The following NFIL3 variants were observed in gnomAD, a reference collection of about 807,000 sequenced individuals.
NFIL3 encodes the protein nuclear factor, interleukin 3 regulated.
Under a neutral mutation model 10.0 loss-of-function variants are expected in NFIL3, and 5 were observed. The observed-to-expected ratio is 0.50, with a 90% CI of 0.26 to 1.06. The LOEUF is 1.06. NFIL3 is among the 50% of genes least tolerant of loss of function. The pLI is 0.13. For missense variants in NFIL3, 436 were observed against 547.6 expected (o/e 0.80, Z 2.03); for synonymous variants, 202 against 206.5 (o/e 0.98, Z 0.19).
At chr9:91,463,138 C>G in the NFIL3 span, among the ~76,000 whole-genome samples, 10 of 151,786 alleles carry the variant, frequency 6.6e-5, no homozygotes, top group African/African-American at 2.4e-4. Flanking sequence ...AAAGAACCAG[C>G]TTTTGGTTTT....
chr9:91,429,317 G>A, the NFIL3 span, among the ~76,000 whole-genome samples: 4 of 152,168 alleles, frequency 2.6e-5, no homozygotes, highest in African/African-American at 4.8e-5. Context: ...TCTGAAACCC[G>A]AGGGAGCCAA....
chr9:91,427,835 A>G (rs1169095773), upstream of NFIL3, among the ~76,000 whole-genome samples: 1 of 151,666 alleles, frequency 6.6e-6, no homozygotes, highest in African/African-American at 2.4e-5. Flanking sequence ...TGTTAGAGTC[A>G]GTGTCTCTCT....
the NFIL3 span, among the ~76,000 whole-genome samples, chr9:91,447,796 CTGT>C: frequency 1.6e-4 from 25 of 152,216 alleles, 1 homozygote; most frequent in African/African-American, 5.8e-4. Context: ...CCTTTTTACT[CTGT>C]TGACAGTGTT....
At chr9:91,459,530 T>TA in the NFIL3 span, among the ~76,000 whole-genome samples, 25 of 151,770 alleles carry the variant, frequency 1.6e-4, no homozygotes, top group African/African-American at 6.1e-4. Context: ...CAAAATTAAA[T>TA]AAAAAATTAG....
Position 91,423,736 on chromosome 9 carries a change from CCGCGGCGGGAGGCGGGCGGCGGCGAGGG to C in NFIL3, c.-297_-270del, listed in dbSNP as rs1833819077. On this transcript the variant is annotated 5_prime_UTR_variant, in exon 1 of 2. Coordinates refer to ENST00000297689, the MANE Select transcript of NFIL3 (RefSeq NM_005384.3). ...CTCGGGCCGGGCCGGGCCTCCGGGG[CCGCGGCGGGAGGCGGGCGGCGGCGAGGG>C]CGCGGCGCGGGAGGCGGGCGGGCGC... 6.9e-6 allele frequency: 1 copy of C among 145,694 alleles called. No individual in the cohort carries two copies. Among genetic ancestry groups the C allele is most frequent in the Non-Finnish European group, 1.5e-5 (1 of 65,526 alleles). The allele number at this position is 145,694 out of a possible 1,614,324, so 9.0% of individuals were successfully genotyped here.
At chr9:91,464,413 G>A in the NFIL3 span, among the ~76,000 whole-genome samples, 1 of 151,926 alleles carries the variant, frequency 6.6e-6, no homozygotes, top group Non-Finnish European at 1.5e-5. Flanking sequence ...GGTAGTGCAG[G>A]TGCCTTATAA....
chr9:91,435,416 A>G, the NFIL3 span, among the ~76,000 whole-genome samples: 1 of 152,138 alleles, frequency 6.6e-6, no homozygotes, highest in Non-Finnish European at 1.5e-5. Flanking sequence ...CATCCAGAAT[A>G]CCAGTTGCAA....
chr9:91,414,046 G>A (rs575126505), intron 1 of NFIL3, among the ~76,000 whole-genome samples: 1 of 152,172 alleles, frequency 6.6e-6, no homozygotes, highest in African/African-American at 2.4e-5. Context: ...GGCCCAATTG[G>A]GAAGGAGCCT....
the NFIL3 span, among the ~76,000 whole-genome samples, chr9:91,473,778 C>T: frequency 6.6e-6 from 1 of 152,264 alleles, no homozygotes; most frequent in Non-Finnish European, 1.5e-5. Flanking sequence ...TAGAAATCAC[C>T]TGTCTTCTGC....
At chr9:91,477,588 A>T in the NFIL3 span, among the ~76,000 whole-genome samples, 1 of 152,228 alleles carries the variant, frequency 6.6e-6, no homozygotes, top group Non-Finnish European at 1.5e-5. Flanking sequence ...ATAACCAGAT[A>T]CAAGATCAAA....
the NFIL3 span, among the ~76,000 whole-genome samples, chr9:91,455,633 T>A: frequency 2.6e-5 from 4 of 152,158 alleles, no homozygotes; most frequent in Non-Finnish European, 5.9e-5. Flanking sequence ...CATTGATAGT[T>A]GACAAAAAGG....
the NFIL3 span, among the ~76,000 whole-genome samples, chr9:91,475,611 A>C: frequency 1.3e-5 from 2 of 152,230 alleles, no homozygotes; most frequent in African/African-American, 4.8e-5. Context: ...ATTAATACAA[A>C]AAATCAGAAA....
At chr9:91,475,170 A>C in the NFIL3 span, among the ~76,000 whole-genome samples, 1 of 152,316 alleles carries the variant, frequency 6.6e-6, no homozygotes, top group East Asian at 1.9e-4. Flanking sequence ...CCCACTCATT[A>C]CTTTGTTCCA....
the NFIL3 span, among the ~76,000 whole-genome samples, chr9:91,440,601 T>G: frequency 6.6e-6 from 1 of 152,098 alleles, no homozygotes; most frequent in African/African-American, 2.4e-5. Flanking sequence ...TTTAGACTAT[T>G]TATTTGGGAT....
intron 1 of NFIL3, among the ~76,000 whole-genome samples, chr9:91,420,293 C>G (rs778480877): frequency 2.0e-5 from 3 of 151,310 alleles, no homozygotes; most frequent in Non-Finnish European, 4.4e-5. Flanking sequence ...AGACTTAATT[C>G]CAACACGAAT....
At chr9:91,422,944 G>A (rs1833796749) in intron 1 of NFIL3, among the ~76,000 whole-genome samples, 1 of 152,090 alleles carries the variant, frequency 6.6e-6, no homozygotes. Flanking sequence ...ACACATACGC[G>A]CATATTCCCA....
At chr9:91,463,038 C>G in the NFIL3 span, among the ~76,000 whole-genome samples, 29,730 of 151,570 alleles carry the variant, frequency 0.2, 3,444 homozygotes, top group East Asian at 0.49. Flanking sequence ...AGTATAATGA[C>G]ATCTTATTTA....
At chr9:91,414,266 C>T (rs1288481020) in intron 1 of NFIL3, among the ~76,000 whole-genome samples, 4 of 152,186 alleles carry the variant, frequency 2.6e-5, no homozygotes, top group African/African-American at 9.7e-5. Flanking sequence ...TGCAATGGTA[C>T]GATCTTGGCT....
chr9:91,433,629 C>A, the NFIL3 span, among the ~76,000 whole-genome samples: 1 of 152,290 alleles, frequency 6.6e-6, no homozygotes, highest in Non-Finnish European at 1.5e-5. Context: ...ATGAGGGAAG[C>A]GTCAATATCA....
Sources: allele counts gnomAD v4.1 joint callset (sites outside exome capture counted in the v4.1 genomes callset), GRCh38; gene constraint gnomAD v4.1.1; transcripts MANE v1.5; gene names NCBI Gene and HGNC (gene_info 2026-07-23, HGNC 2026-07-21).